RYR3: variants seen among roughly 807,000 people sequenced by gnomAD.
The protein encoded by RYR3 is brain ryanodine receptor-calcium release channel.
A neutral mutation model predicts 584.3 loss-of-function variants in RYR3; 207 were observed. That is an observed-to-expected ratio of 0.35 (90% confidence interval 0.32 to 0.40). RYR3 has a LOEUF of 0.40. Among genes scored for constraint, RYR3 ranks in the 10% least tolerant of loss-of-function variants. RYR3 has a pLI of 1.00. For synonymous variants in RYR3, 2,416 were observed against 2,248.5 expected (o/e 1.07, Z -2.11); for missense variants, 5,616 against 6,089.2 (o/e 0.92, Z 2.59).
intron 18 of RYR3, among the ~76,000 whole-genome samples, chr15:33,612,113 AGAGGG>A (rs998656387): frequency 6.6e-6 from 1 of 152,150 alleles, no homozygotes; most frequent in Non-Finnish European, 1.5e-5. Context: ...TGTAAACCTG[AGAGGG>A]GAGGGGTAGG....
rs552462361 is a variant in RYR3, at chr15:33,854,610, A to G, written c.13861-156A>G. ...ACACTTATACAATGGTATAAGGTAG[A>G]TGGGGCTCACTTAGCAGATCTTGGG... is the stretch of plus-strand genomic sequence containing the variant. On this transcript the variant is annotated intron_variant, in intron 97 of 103. Coordinates refer to ENST00000634891, the MANE Select transcript of RYR3 (RefSeq NM_001036.6). Among the ~76,000 whole-genome samples the G allele has an allele frequency of 4.9e-4, 75 of 152,302 alleles. No homozygotes were observed. In the South Asian group the frequency reaches 0.015, roughly 31 times the overall value.
chr15:33,381,901 T>C (rs1036446256), intron 1 of RYR3, among the ~76,000 whole-genome samples: 3 of 152,218 alleles, frequency 2.0e-5, no homozygotes, highest in Non-Finnish European at 2.9e-5. Flanking sequence ...ATTATTTCAC[T>C]TAGTTATATG....
chr15:33,331,474 A>G (rs1439411561), intron 1 of RYR3, among the ~76,000 whole-genome samples: 1 of 152,154 alleles, frequency 6.6e-6, no homozygotes, highest in Non-Finnish European at 1.5e-5. Context: ...TAATTGTTTT[A>G]CTAGAAATAG....
chr15:33,466,625 CTT>C, intron 1 of RYR3, among the ~76,000 whole-genome samples: 1 of 152,272 alleles, frequency 6.6e-6, no homozygotes, highest in South Asian at 2.1e-4. Flanking sequence ...ATCTGTTAAC[CTT>C]TACTTTCATA....
intron 1 of RYR3, among the ~76,000 whole-genome samples, chr15:33,416,625 C>T (rs1230140813): frequency 6.6e-6 from 1 of 152,094 alleles, no homozygotes; most frequent in Non-Finnish European, 1.5e-5. Context: ...TATATTTTCT[C>T]CTATTCTGTA....
chr15:33,792,947 A>C (rs1258005568), intron 67 of RYR3, among the ~76,000 whole-genome samples: 2 of 152,180 alleles, frequency 1.3e-5, no homozygotes. Flanking sequence ...CCCACAGGTC[A>C]ATGGCTCAGT....
At chr15:33,821,168 C>G (rs1196374163) in intron 78 of RYR3, 102 bp from the exon 79 acceptor site, 4 of 863,388 alleles carry the variant, frequency 4.6e-6, no homozygotes, top group South Asian at 3.0e-5. Flanking sequence ...ATGTGTGTTA[C>G]CTTCCTTAGG....
intron 3 of RYR3, among the ~76,000 whole-genome samples, chr15:33,528,819 A>G (rs1238840194): frequency 6.6e-6 from 1 of 152,204 alleles, no homozygotes; most frequent in Non-Finnish European, 1.5e-5. Flanking sequence ...TGGTTCTCAA[A>G]ACATGACACC....
intron 1 of RYR3, among the ~76,000 whole-genome samples, chr15:33,325,854 T>G (rs1372163529): frequency 6.6e-6 from 1 of 151,834 alleles, no homozygotes; most frequent in African/African-American, 2.4e-5. Context: ...CAGGCTGGAG[T>G]GCAGTGGCAC....
At chr15:33,386,982 T>C (rs2596202) in intron 1 of RYR3, among the ~76,000 whole-genome samples, 115,287 of 151,530 alleles carry the variant, frequency 0.76, 43,970 homozygotes, top group Non-Finnish European at 0.78. Context: ...CTCAGCCTCC[T>C]GAGTAGCTGG....
intron 1 of RYR3, among the ~76,000 whole-genome samples, chr15:33,435,968 C>T (rs138700397): frequency 1.4e-5 from 2 of 147,668 alleles, no homozygotes; most frequent in Admixed American, 6.8e-5. Flanking sequence ...AGTTCTGATT[C>T]GTCAATTTTA....
intron 1 of RYR3, among the ~76,000 whole-genome samples, chr15:33,356,491 G>A (rs1426287209): frequency 6.6e-6 from 1 of 152,006 alleles, no homozygotes; most frequent in East Asian, 1.9e-4. Flanking sequence ...TTGAATTTGT[G>A]GACTTTTCTC....
intron 2 of RYR3, among the ~76,000 whole-genome samples, chr15:33,503,141 A>G (rs2052150919): frequency 6.6e-6 from 1 of 152,002 alleles, no homozygotes; most frequent in African/African-American, 2.4e-5. Flanking sequence ...ATAGCTCTTA[A>G]CCCCCTCTGT....
At chr15:33,528,206 G>A (rs185541633) in intron 3 of RYR3, among the ~76,000 whole-genome samples, 2 of 152,148 alleles carry the variant, frequency 1.3e-5, no homozygotes, top group Admixed American at 6.5e-5. Flanking sequence ...CCTGTTAGCT[G>A]TGGAACAAAG....
chr15:33,543,586 T>C, intron 7 of RYR3, 36 bp from the exon 8 acceptor site: 1 of 1,316,326 alleles, frequency 7.6e-7, no homozygotes, highest in South Asian at 1.2e-5. Flanking sequence ...TCATTAAACT[T>C]CCCATCATTC....
At chr15:33,725,942 CCTGGGTGACAGAGCAAGACTCCAT>C (rs2068374929) in intron 45 of RYR3, among the ~76,000 whole-genome samples, 1 of 121,984 alleles carries the variant, frequency 8.2e-6, no homozygotes. Context: ...TGCACTCCAG[CCTGGGTGACAGAGCAAGACTCCAT>C]CCCCCCCCCC....
At chr15:33,338,712 C>T (rs1971444030) in intron 1 of RYR3, among the ~76,000 whole-genome samples, 1 of 152,070 alleles carries the variant, frequency 6.6e-6, no homozygotes, top group Non-Finnish European at 1.5e-5. Flanking sequence ...GGCTAAATGC[C>T]TTTAGGGTCC....
chr15:33,756,275 G>C (rs1195820614), intron 58 of RYR3, 31 bp from the exon 59 acceptor site: 2 of 1,517,128 alleles, frequency 1.3e-6, no homozygotes, highest in Non-Finnish European at 1.8e-6. Context: ...TCGTAACTCT[G>C]GCCAACTTTG....
chr15:33,677,641 G>A (rs1308495359), intron 38 of RYR3, among the ~76,000 whole-genome samples: 1 of 152,202 alleles, frequency 6.6e-6, no homozygotes, highest in Non-Finnish European at 1.5e-5. Flanking sequence ...CTGGCTTGCA[G>A]GGCTGCCTCT....
Sources: gnomAD v4.1 joint callset for allele counts (sites outside exome capture counted in the v4.1 genomes callset) on GRCh38, gnomAD v4.1.1 for gene constraint, MANE v1.5 for transcripts, NCBI Gene and HGNC (gene_info 2026-07-23, HGNC 2026-07-21) for gene names.